Variants in CDH26 observed in about 807,000 individuals in gnomAD.
CDH26 encodes the protein cadherin-like protein 26.
A neutral mutation model predicts 90.3 loss-of-function variants in CDH26; 83 were observed. The ratio of observed to expected loss-of-function variants is 0.92; its 90% CI spans 0.77 to 1.10. CDH26 has a LOEUF of 1.10. Ranked by LOEUF, CDH26 falls within the 50% of genes least tolerant of loss-of-function variation. CDH26 has a pLI of 0.00. For missense variants in CDH26, 1,013 were observed against 1,037.6 expected (o/e 0.98, Z 0.33); for synonymous variants, 397 against 396.3 (o/e 1.00, Z -0.02).
chr20:60,025,323 T>C (rs1486205340), intron 7 of CDH26, among the ~76,000 whole-genome samples: 1 of 152,234 alleles, frequency 6.6e-6, no homozygotes, highest in Non-Finnish European at 1.5e-5. Flanking sequence ...TTTTTCCCAT[T>C]ATGTTTAAAC....
chr20:60,030,608 G>A lies in CDH26; in HGVS notation c.948-623G>A, dbSNP rs559487854. Among the ~76,000 whole-genome samples, 13 of 152,304 alleles carry A rather than the reference G, an allele frequency of 8.5e-5. No individual in the cohort carries two copies. The highest frequency in any genetic ancestry group is 2.9e-4 in the African/African-American group (12 of 41,570). ...TGTGCATTTTACCCAAACTGAGCCA[G>A]TGAGAGTGGGGCCCAGGGTCTTTCC... On this transcript the variant is annotated intron_variant, in intron 7 of 8. Coordinates refer to the CDH26 transcript ENST00000370991. The surrounding 1 kb of genome is among the most constrained non-coding windows in gnomAD (Gnocchi z 4.0).
At chr20:60,026,862 A>G (rs2062001907) in intron 7 of CDH26, among the ~76,000 whole-genome samples, 1 of 152,224 alleles carries the variant, frequency 6.6e-6, no homozygotes. Flanking sequence ...CCTTAGCATG[A>G]ATGTAAACTT....
chr20:60,004,648 C>T (rs1411634587), intron 16 of CDH26, among the ~76,000 whole-genome samples: 1 of 151,530 alleles, frequency 6.6e-6, no homozygotes, highest in Non-Finnish European at 1.5e-5. Flanking sequence ...CGCCTGTAGC[C>T]CCAGCTACTT....
rs1411228077 is a variant in CDH26 at position 60,030,399 on chromosome 20, T to C, written c.948-832T>C. Among the ~76,000 whole-genome samples, 2 of 152,188 alleles carry C rather than the reference T, an allele frequency of 1.3e-5. No homozygotes were observed. Among genetic ancestry groups the C allele is most frequent in the Non-Finnish European group, 2.9e-5 (2 of 68,024 alleles). ...GGGTTTTTTTTTGTTTGCTTTTTTT[T>C]GTTTTGTTTTGTTTTTGTTTTTTTC... On this transcript the variant is annotated intron_variant, in intron 7 of 8. Coordinates refer to the CDH26 transcript ENST00000370991. The surrounding 1 kb of genome is among the most constrained non-coding windows in gnomAD (Gnocchi z 4.0).
chr20:59,988,804 A>G, intron 8 of CDH26, 100 bp from the exon 9 acceptor site: 6 of 1,340,346 alleles, frequency 4.5e-6, no homozygotes, highest in Non-Finnish European at 5.1e-6. Flanking sequence ...ATGAAGTGCA[A>G]AAGCCACAAG....
At chr20:60,026,046 T>C (rs769679055) in intron 7 of CDH26, among the ~76,000 whole-genome samples, 1 of 152,166 alleles carries the variant, frequency 6.6e-6, no homozygotes, top group South Asian at 2.1e-4. Flanking sequence ...CAGGCCTCAC[T>C]GGGATGCATG....
At chr20:59,967,879 TCC>T (rs1569024313) in intron 1 of CDH26, among the ~76,000 whole-genome samples, 110 of 100,694 alleles carry the variant, frequency 1.1e-3, no homozygotes, top group African/African-American at 5.0e-3. Context: ...CTTTCTTTCT[TCC>T]TTCCTTCCTT....
In CDH26 at chr20:60,031,408, GT is replaced by G. The variant is rs902381232; in HGVS notation, c.1128del (p.Tyr377MetfsTer25). 2.0e-5 allele frequency: 24 copies of G among 1,197,094 alleles called. No individual in the cohort carries two copies. Among genetic ancestry groups the G allele is most frequent in the Non-Finnish European group, 2.6e-5 (24 of 938,658 alleles). The allele number at this position is 1,197,094 out of a possible 1,614,324, so 74.2% of individuals were successfully genotyped here. A position where few individuals can be genotyped will look rare whatever the true frequency, so the allele number is the denominator to read the frequency against. ...TCGAACACCCTCTTTCAAGAAAGTT[GT>G]TTATGACCACAAGGAAGGTTTGAGT... is the stretch of plus-strand genomic sequence containing the variant. On this transcript the variant is annotated frameshift_variant, in exon 8 of 9. Transcript: ENST00000370991. LOFTEE classifies it low-confidence loss of function (END_TRUNC).
downstream of CDH26, among the ~76,000 whole-genome samples, chr20:60,018,702 C>CTTTTTTTTTTTTTTT (rs55994712): frequency 8.3e-3 from 147 of 17,812 alleles, 22 homozygotes; most frequent in Non-Finnish European, 0.011. Flanking sequence ...CTCTTACTGC[C>CTTTTTTTTTTTTTTT]TTTTTTTTTT....
At chr20:60,033,382 G>C in intron 8 of CDH26, 1 of 1,227,986 alleles carries the variant, frequency 8.1e-7, no homozygotes, top group Non-Finnish European at 1.1e-6. Flanking sequence ...ATGCATACAT[G>C]CACGTGGCAA....
chr20:59,987,447 T>C lies in CDH26; in HGVS notation c.838-6T>C, dbSNP rs777534206. On this transcript the variant is annotated splice_polypyrimidine_tract_variant and splice_region_variant and intron_variant, in intron 7 of 17. Transcript: ENST00000348616. ...ATGACATGGACATGATGATTGCTTC[T>C]TTCAGTATAAGGTTCAGATTCCTGA... 1 of 1,603,376 alleles carries C rather than the reference T, an allele frequency of 6.2e-7. No individual in the cohort carries two copies. Among genetic ancestry groups the C allele is most frequent in the Non-Finnish European group, 8.5e-7 (1 of 1,175,628 alleles).
chr20:59,994,212 C>T (rs1359502158), intron 10 of CDH26, 38 bp from the exon 11 acceptor site: 1 of 1,612,422 alleles, frequency 6.2e-7, no homozygotes, highest in South Asian at 1.1e-5. Context: ...TGTGTGTGCA[C>T]GAGATAAACA....
Position 59,995,850 on chromosome 20 carries a change from T to C in CDH26, c.1684T>C (p.Leu562=). The change falls in exon 12 of 18, where the codon TTA becomes CTA. Residue 562 remains leucine (L), a synonymous_variant. Transcript: ENST00000348616. ...CTTTGCAGGTCAATCAGTTGAACTT[T>C]TAACCTTGAGAAGCCTGCCACGTGG... ...GRNWGQSVEL[L]TLRSLPRGNY... 1 of 1,614,240 alleles carries C rather than the reference T, an allele frequency of 6.2e-7. No individual in the cohort carries two copies. The highest frequency in any genetic ancestry group is 8.5e-7 in the Non-Finnish European group (1 of 1,180,040).
chr20:59,979,826 C>T (rs973695586), intron 4 of CDH26, among the ~76,000 whole-genome samples: 1 of 151,368 alleles, frequency 6.6e-6, no homozygotes, highest in Admixed American at 6.6e-5. Flanking sequence ...GGGGTTTCAC[C>T]ATGTTGGCCA....
At chr20:60,019,908 A>G (rs2061938707) in intron 7 of CDH26, among the ~76,000 whole-genome samples, 1 of 152,136 alleles carries the variant, frequency 6.6e-6, no homozygotes, top group Non-Finnish European at 1.5e-5. Flanking sequence ...GATGGGGTGC[A>G]TTGGCTTTGA....
At chr20:59,975,787 C>T (rs1187654800) in intron 4 of CDH26, among the ~76,000 whole-genome samples, 1 of 152,140 alleles carries the variant, frequency 6.6e-6, no homozygotes, top group African/African-American at 2.4e-5. Context: ...AAAAGACATT[C>T]TAGTAGCACT....
chr20:60,009,855 A>G (rs773998629), intron 17 of CDH26, among the ~76,000 whole-genome samples: 159 of 152,204 alleles, frequency 1.0e-3, no homozygotes, highest in Non-Finnish European at 2.0e-3. Flanking sequence ...CTAATTATCT[A>G]TTCAGCTTCA....
At chr20:59,997,331 G>C (rs1184382217) in intron 13 of CDH26, among the ~76,000 whole-genome samples, 4 of 152,240 alleles carry the variant, frequency 2.6e-5, no homozygotes, top group Admixed American at 2.6e-4. Flanking sequence ...ACTGCCCTTG[G>C]AGGTACAAGG....
In CDH26 at chr20:59,973,368, A is replaced by G. The variant is rs78582865; in HGVS notation, c.393+1245A>G. ...TTGTTGTTGCTTGTTTGCTTTCAAT[A>G]TTTTATTTTTTCCTTTCCTTTTATT... On this transcript the variant is annotated intron_variant, in intron 4 of 17. Coordinates refer to ENST00000348616, the MANE Select transcript of CDH26 (RefSeq NM_177980.4). Among the ~76,000 whole-genome samples the G allele has an allele frequency of 1.7e-3, 253 of 152,130 alleles. 3 individuals are homozygous for G. In the East Asian group the frequency reaches 0.029, roughly 17 times the overall value.
Sources: gnomAD v4.1 joint callset for allele counts (sites outside exome capture counted in the v4.1 genomes callset) on GRCh38, gnomAD v4.1.1 for gene constraint, Gnocchi (gnomAD v3.1) non-coding constraint, MANE v1.5 for transcripts, NCBI Gene and HGNC (gene_info 2026-07-23, HGNC 2026-07-21) for gene names.